JMJD7: variants seen among roughly 807,000 people sequenced by gnomAD.
JMJD7 encodes the protein bifunctional peptidase and (3S)-lysyl hydroxylase JMJD7.
A neutral mutation model predicts 41.1 loss-of-function variants in JMJD7; 41 were observed. The observed-to-expected ratio is 1.00, with a 90% CI of 0.78 to 1.30. The LOEUF (loss-of-function observed/expected upper bound fraction) is 1.30, where lower values mean the gene tolerates loss of function less well. Ranked by LOEUF, JMJD7 falls within the 50% of genes most tolerant of loss-of-function variation. JMJD7 has a pLI of 0.00. For synonymous variants in JMJD7, 202 were observed against 177.2 expected (o/e 1.14, Z -1.11); for missense variants, 480 against 420.7 (o/e 1.14, Z -1.23).
chr15:41,828,258 G>T, intron 1 of JMJD7, 70 bp downstream of exon 1: 1 of 1,435,906 alleles, frequency 7.0e-7, no homozygotes, highest in Non-Finnish European at 9.1e-7. Flanking sequence ...CGCTGACACC[G>T]GGGGCTCGGA....
chr15:41,830,400 C>T (rs759704634), intron 1 of JMJD7, among the ~76,000 whole-genome samples: 12 of 152,244 alleles, frequency 7.9e-5, no homozygotes, highest in Admixed American at 3.3e-4. Context: ...CCTTGCCCGC[C>T]GCCGCTGTGG....
At chr15:41,828,419 G>A in intron 1 of JMJD7, 1 of 452,706 alleles carries the variant, frequency 2.2e-6, no homozygotes, top group Non-Finnish European at 3.8e-6. Context: ...GACCGTGGTC[G>A]CGGCGAAGCC....
rs769474327 is a variant in JMJD7 at position 41,836,546 on chromosome 15, GAGA to G, written c.700_702del (p.Lys234del). The stretch of plus-strand genomic sequence containing the variant: ...TAAGGTGGTGGATGAAGAGGCCATG[GAGA>G]AGGTGTCTGTCCTGTTCTTGGGCTC... On this transcript the variant is annotated inframe_deletion and splice_region_variant, in exon 6 of 8. Transcript: ENST00000397299. 1.3e-5 allele frequency: 20 copies of G among 1,582,460 alleles called. No individual in the cohort carries two copies. The highest frequency in any genetic ancestry group is 1.6e-5 in the Non-Finnish European group (19 of 1,163,848).
chr15:41,833,389 A>AATATATATATAT (rs1567164757), intron 1 of JMJD7, among the ~76,000 whole-genome samples: 2 of 103,524 alleles, frequency 1.9e-5, no homozygotes, highest in African/African-American at 7.3e-5. Flanking sequence ...ATGTAGGTGA[A>AATATATATATAT]ATACATATAT....
In JMJD7 at chr15:41,834,968, A is replaced by C. The variant is rs2065288002; in HGVS notation, c.219-2A>C. 2 of 1,614,120 alleles carry C rather than the reference A, an allele frequency of 1.2e-6. No individual in the cohort carries two copies. Among genetic ancestry groups the C allele is most frequent in the African/African-American group, 2.7e-5 (2 of 75,064 alleles). On this transcript the variant is annotated splice_acceptor_variant, in intron 2 of 7. Transcript: ENST00000397299. LOFTEE classifies it high-confidence loss of function. ...GCATGGGCTGAGTGTCCATTCCTCT[A>C]GAGCCACAGTGGGCTCCACAGAGGT...
At chr15:41,828,995 A>G (rs1299794215) in intron 1 of JMJD7, 2 of 152,252 alleles carry the variant, frequency 1.3e-5, no homozygotes, top group African/African-American at 2.4e-5. Flanking sequence ...GCTGCAACGA[A>G]TACTTTGAGG....
intron 1 of JMJD7, 151 bp downstream of exon 1, chr15:41,828,339 C>T (rs2065171420): frequency 1.1e-6 from 1 of 913,346 alleles, no homozygotes; most frequent in Non-Finnish European, 1.5e-6. Context: ...TCCCTTCTCC[C>T]GTGTTCGCGC....
intron 1 of JMJD7, among the ~76,000 whole-genome samples, chr15:41,830,272 A>G (rs925747889): frequency 6.6e-6 from 1 of 152,184 alleles, no homozygotes; most frequent in Non-Finnish European, 1.5e-5. Context: ...GAGTACAAAA[A>G]TACTCACACA....
chr15:41,831,115 A>C (rs1010333883), intron 1 of JMJD7, among the ~76,000 whole-genome samples: 16 of 152,180 alleles, frequency 1.1e-4, no homozygotes, highest in African/African-American at 3.6e-4. Flanking sequence ...CCCATGGACC[A>C]ATAGGCATGT....
At chr15:41,833,403 TATATA>T (rs1441069854) in intron 1 of JMJD7, among the ~76,000 whole-genome samples, 1 of 48,072 alleles carries the variant, frequency 2.1e-5, no homozygotes, top group African/African-American at 6.7e-5. Flanking sequence ...CATATATATA[TATATA>T]TATATATTTT....
At chr15:41,829,587 C>T (rs76977779) in intron 1 of JMJD7, among the ~76,000 whole-genome samples, 1,777 of 152,312 alleles carry the variant, frequency 0.012, 31 homozygotes, top group African/African-American at 0.041. Flanking sequence ...AGCCACTGCT[C>T]CCGGCCTTGT....
chr15:41,833,414 A>ATTTTTTTTTTTTT (rs67111164), intron 1 of JMJD7, among the ~76,000 whole-genome samples: 3 of 32,010 alleles, frequency 9.4e-5, no homozygotes, highest in Non-Finnish European at 1.8e-4. Context: ...ATATATATAT[A>ATTTTTTTTTTTTT]TTTTTTTTTT....
chr15:41,836,969 G>A (rs767357595), intron 7 of JMJD7, 29 bp downstream of exon 7: 1 of 1,610,310 alleles, frequency 6.2e-7, no homozygotes, highest in Non-Finnish European at 8.5e-7. Flanking sequence ...CGCCTGGGGA[G>A]AGGCCCTGTC....
chr15:41,835,021 C>G lies in JMJD7; in HGVS notation c.270C>G (p.Tyr90Ter), dbSNP rs765659372. 6.2e-7 allele frequency: 1 copy of G among 1,614,062 alleles called. No homozygotes were observed. The highest frequency in any genetic ancestry group is 2.2e-5 in the East Asian group (1 of 44,886). Residue 90 changes from tyrosine (Y) to a stop codon, truncating the protein, a stop_gained, in exon 3 of 8, where the codon TAC becomes TAG. Transcript: ENST00000397299. LOFTEE classifies it high-confidence loss of function. ...GTGTGGCCGTGACCCCAGATGGTTA[C>G]GCGGATGCCGTGAGAGGGGATCGCT... The part of the protein sequence containing the change: ...EVSVAVTPDG[Y>*]ADAVRGDRFM...
chr15:41,833,404 A>T (rs2065258314), intron 1 of JMJD7, among the ~76,000 whole-genome samples: 2 of 41,152 alleles, frequency 4.9e-5, no homozygotes, highest in South Asian at 2.0e-3. Flanking sequence ...ATATATATAT[A>T]TATATATATA....
Position 41,835,167 on chromosome 15 carries a change from T to C in JMJD7, c.416T>C (p.Leu139Pro). The change falls in exon 3 of 8, where the codon CTG (leucine) becomes CCG (proline). Residue 139 changes from leucine (L) to proline (P), a missense_variant. By Grantham distance (98) the Leu-to-Pro change is moderately conservative. Coordinates refer to ENST00000397299, the MANE Select transcript of JMJD7 (RefSeq NM_001114632.2). ...CAGTGCTCCAACCTGCCCAGCGAGCTGCCCCAGCTGCTGCCTGATCTGGAA... is the reference window on the plus strand; with the variant it reads ...CAGTGCTCCAACCTGCCCAGCGAGCCGCCCCAGCTGCTGCCTGATCTGGAA... ...QKQCSNLPSE[L>P]PQLLPDLESH... 6.2e-7 allele frequency: 1 copy of C among 1,604,042 alleles called. No individual in the cohort carries two copies. Among genetic ancestry groups the C allele is most frequent in the Non-Finnish European group, 8.5e-7 (1 of 1,179,942 alleles).
chr15:41,836,796 C>T lies in JMJD7; in HGVS notation c.718C>T (p.Leu240=), dbSNP rs1392848963. Residue 240 remains leucine (L), a synonymous_variant, in exon 7 of 8, where the codon CTG becomes TTG. Transcript: ENST00000397299. ...GTGTTCCCAGGTGCCCTGGATCCCACTGGACCCCTTGGCGCCAGACCTAGC... is the reference window on the plus strand; with the variant it reads ...GTGTTCCCAGGTGCCCTGGATCCCATTGGACCCCTTGGCGCCAGACCTAGC... The part of the protein sequence containing the change: ...EAMEKVPWIP[L]DPLAPDLARY... 1 of 1,610,268 alleles carries T rather than the reference C, an allele frequency of 6.2e-7. No individual in the cohort carries two copies. Among genetic ancestry groups the T allele is most frequent in the Non-Finnish European group, 8.5e-7 (1 of 1,178,634 alleles).
rs373198458 is a variant in JMJD7, at chr15:41,835,606, T to A, written c.491T>A (p.Val164Glu). ...SEALGKMPDA[V>E]NFWLGEAAAV... ...CCTGCAGGAAAGATGCCCGATGCTG[T>A]GAACTTCTGGCTGGGGGAGGCGGCT... Residue 164 changes from valine (V) to glutamate (E), a missense_variant, in exon 4 of 8, where the codon GTG becomes GAG. By Grantham distance (121) the Val-to-Glu change is moderately radical (BLOSUM62 -2). Coordinates refer to ENST00000397299, the MANE Select transcript of JMJD7 (RefSeq NM_001114632.2). The A allele has an allele frequency of 1.9e-6, 3 of 1,613,912 alleles. No homozygotes were observed. The highest frequency in any genetic ancestry group is 2.5e-6 in the Non-Finnish European group (3 of 1,179,888).
intron 1 of JMJD7, among the ~76,000 whole-genome samples, chr15:41,833,414 A>ATATATATATTTTT (rs1239528383): frequency 4.4e-4 from 14 of 32,014 alleles, no homozygotes; most frequent in African/African-American, 1.3e-3. Context: ...ATATATATAT[A>ATATATATATTTTT]TTTTTTTTTT....
Sources: allele counts gnomAD v4.1 joint callset (sites outside exome capture counted in the v4.1 genomes callset), GRCh38; gene constraint gnomAD v4.1.1; transcripts MANE v1.5; gene names NCBI Gene and HGNC (gene_info 2026-07-23, HGNC 2026-07-21).